Variants in RABGAP1L observed in about 807,000 individuals in gnomAD.
RABGAP1L encodes rab GTPase-activating protein 1-like.
A neutral mutation model predicts 137.7 loss-of-function variants in RABGAP1L; 63 were observed. That is an observed-to-expected ratio of 0.46 (90% CI 0.37 to 0.56). The LOEUF is 0.56. RABGAP1L is among the 20% of genes least tolerant of loss of function. The pLI, the probability that RABGAP1L is intolerant of heterozygous loss-of-function variation, is 0.00. For synonymous variants in RABGAP1L, 431 were observed against 433.7 expected (o/e 0.99, Z 0.08); for missense variants, 1,095 against 1,244.0 (o/e 0.88, Z 1.80).
chr1:174,272,831 G>C (rs1012646975), intron 8 of RABGAP1L, among the ~76,000 whole-genome samples: 1 of 151,826 alleles, frequency 6.6e-6, no homozygotes, highest in Non-Finnish European at 1.5e-5. Flanking sequence ...TTATTTTAAT[G>C]CACTGCTATT....
chr1:174,729,432 C>CT, intron 17 of RABGAP1L, among the ~76,000 whole-genome samples: 1 of 152,284 alleles, frequency 6.6e-6, no homozygotes, highest in Middle Eastern at 3.4e-3. Flanking sequence ...GAATTTATGA[C>CT]TAAGTCCTCA....
At chr1:174,537,254 G>A (rs1664965988) in intron 13 of RABGAP1L, among the ~76,000 whole-genome samples, 2 of 152,152 alleles carry the variant, frequency 1.3e-5, no homozygotes, top group Non-Finnish European at 2.9e-5. Flanking sequence ...CATATTATGA[G>A]GTTGAACCAA....
intron 19 of RABGAP1L, among the ~76,000 whole-genome samples, chr1:174,821,570 C>A (rs1394449410): frequency 6.6e-6 from 1 of 152,136 alleles, no homozygotes; most frequent in Non-Finnish European, 1.5e-5. Flanking sequence ...ATATTCATAA[C>A]TGGATTTGAA....
At chr1:174,885,329 G>C (rs997226632) in intron 19 of RABGAP1L, among the ~76,000 whole-genome samples, 7 of 152,146 alleles carry the variant, frequency 4.6e-5, no homozygotes, top group African/African-American at 1.7e-4. Flanking sequence ...TATATGTAAA[G>C]CACTGGATAC....
chr1:174,355,765 C>G (rs1394921627), intron 11 of RABGAP1L, among the ~76,000 whole-genome samples: 3 of 152,048 alleles, frequency 2.0e-5, no homozygotes, highest in African/African-American at 7.2e-5. Context: ...TGCTTAGCAA[C>G]TGCAGGGATT....
At position 174,606,329 on chromosome 1, in the gene RABGAP1L, C is replaced by T. The variant is rs1304736289; in HGVS notation, c.1711-31046C>T. Reference sequence around the variant, plus strand: ...CATAGCTGTATATAAAGGTGCTTGTCCCTAGCCTGCCACACCCACTGTCTT... The same window carrying T: ...CATAGCTGTATATAAAGGTGCTTGTTCCTAGCCTGCCACACCCACTGTCTT... On this transcript the variant is annotated intron_variant, in intron 13 of 25. Transcript: ENST00000681986. Among the ~76,000 whole-genome samples the T allele has an allele frequency of 2.0e-5, 3 of 152,244 alleles. No individual in the cohort carries two copies. The East Asian group carries it at 5.8e-4, about 29-fold the overall frequency.
At chr1:174,541,001 G>A (rs1349430357) in intron 13 of RABGAP1L, among the ~76,000 whole-genome samples, 2 of 152,138 alleles carry the variant, frequency 1.3e-5, no homozygotes, top group Non-Finnish European at 2.9e-5. Flanking sequence ...CCTTGAAGAG[G>A]TCCTTCACAT....
At chr1:174,711,902 A>G (rs1680556110) in intron 17 of RABGAP1L, among the ~76,000 whole-genome samples, 1 of 152,242 alleles carries the variant, frequency 6.6e-6, no homozygotes. Flanking sequence ...TTTTATGTTT[A>G]GCTAGAGGAT....
intron 1 of RABGAP1L, among the ~76,000 whole-genome samples, chr1:174,179,039 C>G (rs578239541): frequency 6.6e-6 from 1 of 152,068 alleles, no homozygotes; most frequent in African/African-American, 2.4e-5. Context: ...CCAGAAAAGT[C>G]TTTTAAGTAG....
chr1:174,969,202 T>C, intron 20 of RABGAP1L, 75 bp from the exon 21 acceptor site: 1 of 1,159,076 alleles, frequency 8.6e-7, no homozygotes, highest in East Asian at 2.6e-5. Flanking sequence ...TTGTTGCTTG[T>C]TTTTCCTCAC....
At chr1:174,617,917 A>G (rs939605369) in intron 13 of RABGAP1L, among the ~76,000 whole-genome samples, 5 of 152,178 alleles carry the variant, frequency 3.3e-5, no homozygotes, top group African/African-American at 1.2e-4. Context: ...GACATATGGC[A>G]CCTGGAAAAT....
chr1:174,172,894 T>C (rs1333564698), intron 1 of RABGAP1L, among the ~76,000 whole-genome samples: 1 of 152,152 alleles, frequency 6.6e-6, no homozygotes, highest in African/African-American at 2.4e-5. Context: ...TTGTTTGAGC[T>C]TTTGGTGTAG....
At chr1:174,390,823 A>G (rs567877058) in intron 12 of RABGAP1L, among the ~76,000 whole-genome samples, 5 of 152,304 alleles carry the variant, frequency 3.3e-5, no homozygotes, top group African/African-American at 9.6e-5. Flanking sequence ...AATACCCTGG[A>G]AAACGACCAG....
chr1:174,442,308 A>G (rs1370178242), intron 13 of RABGAP1L, among the ~76,000 whole-genome samples: 1 of 152,128 alleles, frequency 6.6e-6, no homozygotes, highest in Non-Finnish European at 1.5e-5. Context: ...ATATTTCCCT[A>G]TAAAATAGGA....
intron 11 of RABGAP1L, among the ~76,000 whole-genome samples, chr1:174,358,537 G>A (rs1310416368): frequency 6.6e-6 from 1 of 152,152 alleles, no homozygotes; most frequent in Non-Finnish European, 1.5e-5. Context: ...TAGAAAGGGA[G>A]GGCCTGTGAC....
intron 11 of RABGAP1L, among the ~76,000 whole-genome samples, chr1:174,362,680 T>G (rs1162179855): frequency 2.6e-5 from 4 of 152,210 alleles, no homozygotes; most frequent in Non-Finnish European, 5.9e-5. Context: ...ATATTAGACT[T>G]TTGTCAGATG....
At chr1:174,759,359 C>T (rs1685031429) in intron 18 of RABGAP1L, among the ~76,000 whole-genome samples, 2 of 150,278 alleles carry the variant, frequency 1.3e-5, no homozygotes, top group Admixed American at 1.3e-4. Flanking sequence ...CTTTGGGAGG[C>T]CAAGGTGGGC....
chr1:174,455,902 C>T (rs1235910382), intron 13 of RABGAP1L, among the ~76,000 whole-genome samples: 2 of 152,060 alleles, frequency 1.3e-5, no homozygotes, highest in Admixed American at 6.6e-5. Context: ...GTGACCCTAA[C>T]AAGATCATGT....
intron 1 of RABGAP1L, among the ~76,000 whole-genome samples, chr1:174,161,979 C>T (rs140446412): frequency 3.9e-5 from 6 of 151,910 alleles, no homozygotes; most frequent in African/African-American, 9.6e-5. Flanking sequence ...GCAGTCCTTG[C>T]GCCTCAGCCT....
Sources: gnomAD v4.1 joint callset for allele counts (sites outside exome capture counted in the v4.1 genomes callset) on GRCh38, gnomAD v4.1.1 for gene constraint, MANE v1.5 for transcripts, NCBI Gene and HGNC (gene_info 2026-07-23, HGNC 2026-07-21) for gene names.